The following FMN1 variants were observed in gnomAD, a reference collection of about 807,000 sequenced individuals.
FMN1 encodes the protein formin 1.
Under a neutral mutation model 132.4 loss-of-function variants are expected in FMN1, and 110 were observed. The observed-to-expected ratio is 0.83, with a 90% confidence interval of 0.71 to 0.97. The LOEUF (loss-of-function observed/expected upper bound fraction) is 0.97, where lower values mean the gene tolerates loss of function less well. Among genes scored for constraint, FMN1 ranks in the 50% least tolerant of loss-of-function variants. The probability of loss-of-function intolerance (pLI) is 0.00; values close to 1 mark genes in which losing one functional copy is unlikely to be tolerated. For synonymous variants in FMN1, 722 were observed against 651.7 expected (o/e 1.11, Z -1.64); for missense variants, 1,792 against 1,705.3 (o/e 1.05, Z -0.90).
At chr15:33,140,077 A>T (rs1963942954) in intron 4 of FMN1, among the ~76,000 whole-genome samples, 1 of 151,900 alleles carries the variant, frequency 6.6e-6, no homozygotes, top group South Asian at 2.1e-4. Flanking sequence ...CTTTTTTAGG[A>T]TTAAAAATAA....
intron 16 of FMN1, among the ~76,000 whole-genome samples, chr15:32,882,847 G>C (rs1451544082): frequency 2.0e-5 from 3 of 152,158 alleles, no homozygotes; most frequent in African/African-American, 7.2e-5. Flanking sequence ...ATATCAACAG[G>C]AAACACTTTC....
intron 2 of FMN1, among the ~76,000 whole-genome samples, chr15:33,182,213 G>A (rs2095273981): frequency 6.6e-6 from 1 of 152,166 alleles, no homozygotes; most frequent in African/African-American, 2.4e-5. Flanking sequence ...CAAGTCTAGG[G>A]TCAGCTAAGA....
intron 9 of FMN1, among the ~76,000 whole-genome samples, chr15:32,941,672 A>G (rs1237704673): frequency 1.3e-5 from 2 of 152,032 alleles, no homozygotes; most frequent in African/African-American, 2.4e-5. Context: ...GTATTAAGAG[A>G]CTTTTGGCAG....
chr15:32,906,190 A>G (rs2060420754), intron 12 of FMN1, among the ~76,000 whole-genome samples: 1 of 152,122 alleles, frequency 6.6e-6, no homozygotes, highest in African/African-American at 2.4e-5. Context: ...CCATTCCCAT[A>G]GCTTAGAACA....
At position 33,078,915 on chromosome 15, in the gene FMN1, T is replaced by C. The variant is rs564393036; in HGVS notation, c.2043+9884A>G. On this transcript the variant is annotated intron_variant, in intron 5 of 20. Transcript: ENST00000616417. ...GAGGCTCACAGCACTCTAAGTTTAG[T>C]GAATGCAGACAGAACCTTAAGCTTT... is the stretch of plus-strand genomic sequence containing the variant. Among the ~76,000 whole-genome samples the C allele has an allele frequency of 4.6e-5, 7 of 152,236 alleles. No individual in the cohort carries two copies. The South Asian group carries it at 1.5e-3, about 32-fold the overall frequency.
At chr15:32,806,926 C>G (rs1215352590) in intron 17 of FMN1, among the ~76,000 whole-genome samples, 1 of 152,174 alleles carries the variant, frequency 6.6e-6, no homozygotes, top group East Asian at 1.9e-4. Context: ...CTTCCCACAG[C>G]CTCTATCTAC....
At chr15:33,026,821 A>C (rs979445637) in intron 6 of FMN1, among the ~76,000 whole-genome samples, 3 of 152,316 alleles carry the variant, frequency 2.0e-5, no homozygotes, top group Admixed American at 2.0e-4. Flanking sequence ...AGTACCCAGG[A>C]GGCCAGGCTA....
chr15:33,162,652 A>G (rs1161862666), intron 3 of FMN1, among the ~76,000 whole-genome samples: 1 of 152,232 alleles, frequency 6.6e-6, no homozygotes, highest in African/African-American at 2.4e-5. Context: ...TGACTCATGA[A>G]GCCATGGATG....
chr15:33,040,302 C>G (rs1386722020), intron 6 of FMN1, among the ~76,000 whole-genome samples: 3 of 152,152 alleles, frequency 2.0e-5, no homozygotes, highest in African/African-American at 7.2e-5. Flanking sequence ...ATATGCTAAT[C>G]ACTCTTTCTA....
intron 3 of FMN1, among the ~76,000 whole-genome samples, chr15:33,167,389 C>A (rs1965151624): frequency 6.6e-6 from 1 of 152,172 alleles, no homozygotes; most frequent in Non-Finnish European, 1.5e-5. Flanking sequence ...CCGTGTGGAA[C>A]TGTGAGTCCA....
intron 6 of FMN1, among the ~76,000 whole-genome samples, chr15:33,035,790 T>G (rs1481717440): frequency 6.6e-6 from 1 of 152,350 alleles, no homozygotes; most frequent in East Asian, 1.9e-4. Flanking sequence ...AAACTCATGT[T>G]AAAACATAGC....
At chr15:32,853,708 T>C (rs1480194083) in intron 17 of FMN1, among the ~76,000 whole-genome samples, 1 of 152,228 alleles carries the variant, frequency 6.6e-6, no homozygotes, top group African/African-American at 2.4e-5. Flanking sequence ...AATGTATTTC[T>C]TAACCACAAA....
At chr15:32,884,258 G>A (rs2059841608) in intron 16 of FMN1, among the ~76,000 whole-genome samples, 1 of 152,170 alleles carries the variant, frequency 6.6e-6, no homozygotes, top group Admixed American at 6.5e-5. Context: ...TGACAGGGCT[G>A]TACTCCCTTT....
intron 16 of FMN1, among the ~76,000 whole-genome samples, chr15:32,878,091 C>T (rs1297034045): frequency 6.6e-6 from 1 of 152,164 alleles, no homozygotes; most frequent in African/African-American, 2.4e-5. Flanking sequence ...TTCAAAGTGC[C>T]TCCTGAAGAG....
At chr15:33,018,321 A>G (rs2035191549) in intron 6 of FMN1, among the ~76,000 whole-genome samples, 1 of 152,136 alleles carries the variant, frequency 6.6e-6, no homozygotes, top group South Asian at 2.1e-4. Flanking sequence ...GCCTTTAGGT[A>G]GCTTCAGGAT....
At chr15:33,112,837 G>A (rs899845524) in intron 4 of FMN1, among the ~76,000 whole-genome samples, 1 of 152,144 alleles carries the variant, frequency 6.6e-6, no homozygotes, top group African/African-American at 2.4e-5. Flanking sequence ...ATTTGCAGCA[G>A]AGTTATCCAA....
chr15:33,061,628 T>A (rs1254583350), intron 6 of FMN1, among the ~76,000 whole-genome samples: 3 of 151,586 alleles, frequency 2.0e-5, no homozygotes, highest in Non-Finnish European at 2.9e-5. Context: ...TATAAGGAAA[T>A]CCAAAAACAT....
chr15:32,790,365 T>C (rs746039025), intron 19 of FMN1, among the ~76,000 whole-genome samples: 1 of 152,208 alleles, frequency 6.6e-6, no homozygotes, highest in Admixed American at 6.5e-5. Context: ...GAAGGATCAC[T>C]AGGAAGGTGT....
At chr15:33,142,203 A>G (rs765266614) in intron 4 of FMN1, among the ~76,000 whole-genome samples, 7 of 152,212 alleles carry the variant, frequency 4.6e-5, no homozygotes, top group Non-Finnish European at 1.0e-4. Flanking sequence ...TTTCTAATGT[A>G]GCCTGACTTT....
Sources: allele counts gnomAD v4.1 joint callset (sites outside exome capture counted in the v4.1 genomes callset), GRCh38; gene constraint gnomAD v4.1.1; transcripts MANE v1.5; gene names NCBI Gene and HGNC (gene_info 2026-07-23, HGNC 2026-07-21).